DPH1: variants seen among roughly 807,000 people sequenced by gnomAD.
The protein encoded by DPH1 is 2-(3-amino-3-carboxypropyl)histidine synthase subunit 1.
DPH1 carries 59 observed loss-of-function variants against 55.3 expected under a neutral mutation model. The observed-to-expected ratio is 1.07, with a 90% confidence interval of 0.87 to 1.33. The LOEUF is 1.33. DPH1 is among the 40% of genes most tolerant of loss of function. The pLI is 0.00. For missense variants in DPH1, 628 were observed against 584.8 expected (o/e 1.07, Z -0.76); for synonymous variants, 238 against 235.5 (o/e 1.01, Z -0.10).
chr17:2,033,496 C>G lies in DPH1; in HGVS notation c.62-9C>G. 1 of 1,613,944 alleles carries G rather than the reference C, an allele frequency of 6.2e-7. No homozygotes were observed. Among genetic ancestry groups the G allele is most frequent in the Non-Finnish European group, 8.5e-7 (1 of 1,180,034 alleles). ...ACAGACACCAACTCAGGCCTTATAT[C>G]CATTCTAGGTCGGGCCCCTCGGGGC... On this transcript the variant is annotated splice_polypyrimidine_tract_variant and intron_variant, in intron 1 of 12. Coordinates refer to ENST00000263083, the MANE Select transcript of DPH1 (RefSeq NM_001383.6).
At position 2,042,100 on chromosome 17, in the gene DPH1, G is replaced by A. The variant is rs1266429963; in HGVS notation, c.*18+225G>A. 8 of 1,568,986 alleles carry A rather than the reference G, an allele frequency of 5.1e-6. No homozygotes were observed. The East Asian group carries it at 7.1e-5, about 14-fold the overall frequency. On this transcript the variant is annotated intron_variant, in intron 12 of 12. Coordinates refer to ENST00000263083, the MANE Select transcript of DPH1 (RefSeq NM_001383.6). ...CTGTGCCTGGCGGGCTTCCGGCAGA[G>A]CGAGCGGGGCTTCCGTGAGAAGACC...
At position 2,039,783 on chromosome 17, in the gene DPH1, G is replaced by A; in HGVS notation, c.709G>A (p.Glu237Lys). Residue 237 changes from glutamate to lysine, a missense_variant, in exon 7 of 13, where the codon GAG becomes AAG. Coordinates refer to ENST00000263083, the MANE Select transcript of DPH1 (RefSeq NM_001383.6). ...VYLGDGRFHL[E>K]SVMIANPNVP... ...TCTTGGAGATGGCCGCTTCCATCTG[G>A]AGTCTGTCATGATTGCCAACCCCAA... 6.2e-7 allele frequency: 1 copy of A among 1,614,090 alleles called. No homozygotes were observed. Among genetic ancestry groups the A allele is most frequent in the East Asian group, 2.2e-5 (1 of 44,878 alleles).
At position 2,042,986 on chromosome 17, in the gene DPH1, A is replaced by G; in HGVS notation, c.*400A>G. On this transcript the variant is annotated 3_prime_UTR_variant, in exon 13 of 13. Transcript: ENST00000263083. ...GTCATCCCCTCTCAGGAGAGTGTGC[A>G]ACTGGCCAGCCAATTTCCCGGAGCC... The G allele has an allele frequency of 2.5e-6, 4 of 1,614,084 alleles. No homozygotes were observed. Among genetic ancestry groups the G allele is most frequent in the Non-Finnish European group, 3.4e-6 (4 of 1,180,030 alleles).
At chr17:2,037,141 C>T in intron 6 of DPH1, 185 bp downstream of exon 6, 1 of 810,872 alleles carries the variant, frequency 1.2e-6, no homozygotes. Flanking sequence ...TTCTCCACTG[C>T]CCAGTCCATC....
In DPH1 at chr17:2,036,938, A is replaced by C. The variant is rs1131600; in HGVS notation, c.662A>C (p.Lys221Thr). Residue 221 changes from lysine to threonine, a missense_variant, in exon 6 of 13, where the codon AAA becomes ACA. Coordinates refer to ENST00000263083, the MANE Select transcript of DPH1 (RefSeq NM_001383.6). This position sits in a 1 kb window ranked among gnomAD's most constrained non-coding sequence, Gnocchi z 4.8. ...GGCTGCACATCCCCCCGACTGTCCA[A>C]AGAGGTGGAGGCCGTTGTGTAAGTT... ...ILGCTSPRLSKEVEAVVYLGD... is the reference protein window; with the variant it reads ...ILGCTSPRLSTEVEAVVYLGD... 3.1e-6 allele frequency: 5 copies of C among 1,613,334 alleles called. No homozygotes were observed. Among genetic ancestry groups the C allele is most frequent in the Admixed American group, 3.3e-5 (2 of 59,928 alleles).
intron 1 of DPH1, among the ~76,000 whole-genome samples, chr17:2,032,979 G>T (rs937291549): frequency 6.6e-6 from 1 of 152,128 alleles, no homozygotes; most frequent in South Asian, 2.1e-4. Context: ...TGATCCGCCC[G>T]CCTCAGCCTC....
rs759143976 is a variant in DPH1 at position 2,036,492 on chromosome 17, C to T, written c.401-37C>T. On this transcript the variant is annotated intron_variant, in intron 4 of 12. Coordinates refer to ENST00000263083, the MANE Select transcript of DPH1 (RefSeq NM_001383.6). This position sits in a 1 kb window ranked among gnomAD's most constrained non-coding sequence, Gnocchi z 4.8. The stretch of plus-strand genomic sequence containing the variant: ...CTGGCCGGGCCCTCTGCTGCTCCTG[C>T]CTTCCCAAACAGCCCCTGAACTCCT... The T allele has an allele frequency of 3.7e-6, 6 of 1,609,378 alleles. No homozygotes were observed. In the East Asian group the frequency reaches 1.3e-4, roughly 36 times the overall value.
At chr17:2,041,743 C>A (rs933776895) in intron 11 of DPH1, 25 bp from the exon 12 acceptor site, 13 of 1,594,536 alleles carry the variant, frequency 8.2e-6, no homozygotes, top group South Asian at 1.1e-5. Flanking sequence ...AGGAGCGAGA[C>A]CCTAACCAAA....
At chr17:2,033,689 G>C (rs763786227) in intron 2 of DPH1, 32 bp downstream of exon 2, 4 of 1,613,716 alleles carry the variant, frequency 2.5e-6, no homozygotes, top group Non-Finnish European at 3.4e-6. Flanking sequence ...TGGGGTTGGG[G>C]TGGAGAGGTT....
intron 12 of DPH1, chr17:2,042,302 A>G (rs979725024): frequency 2.9e-6 from 4 of 1,392,382 alleles, no homozygotes; most frequent in South Asian, 1.5e-5. Flanking sequence ...GACACCCTTC[A>G]GCATCCCCCA....
chr17:2,039,374 CTT>C (rs550518816), intron 6 of DPH1: 130 of 142,366 alleles, frequency 9.1e-4, no homozygotes, highest in South Asian at 3.0e-3. Flanking sequence ...CTGTGGACTT[CTT>C]TTTTTTTTTT....
chr17:2,042,847 C>A lies in DPH1; in HGVS notation c.*261C>A. On this transcript the variant is annotated 3_prime_UTR_variant, in exon 13 of 13. Transcript: ENST00000263083. ...AGGCGATCCCCGCTTCCCCTTGCCA[C>A]GGTTTATCCTCTTGGTGTCTGGTTT... 6.2e-7 allele frequency: 1 copy of A among 1,614,154 alleles called. No individual in the cohort carries two copies. The highest frequency in any genetic ancestry group is 8.5e-7 in the Non-Finnish European group (1 of 1,180,040).
intron 12 of DPH1, 35 bp downstream of exon 12, chr17:2,041,910 T>A: frequency 6.5e-7 from 1 of 1,543,460 alleles, no homozygotes; most frequent in Non-Finnish European, 8.7e-7. Context: ...CCCCGCCTTT[T>A]GCCGTTGTCA....
intron 12 of DPH1, chr17:2,042,287 C>A (rs568094999): frequency 7.0e-4 from 974 of 1,397,274 alleles, no homozygotes; most frequent in Non-Finnish European, 8.3e-4. Flanking sequence ...TGTTTCGTCC[C>A]CCTCGACACC....
In DPH1 at chr17:2,040,499, C is replaced by T. The variant is rs1293402021; in HGVS notation, c.907-6C>T. On this transcript the variant is annotated splice_region_variant and splice_polypyrimidine_tract_variant and intron_variant, in intron 8 of 12. Transcript: ENST00000263083. ...TGACCCCCACCCTGCCTCCCTCTCC[C>T]AACAGCACCTGGAATCTCGACTCCG... 1 of 1,614,060 alleles carries T rather than the reference C, an allele frequency of 6.2e-7. No homozygotes were observed. The highest frequency in any genetic ancestry group is 8.5e-7 in the Non-Finnish European group (1 of 1,180,046).
chr17:2,039,518 C>A, intron 6 of DPH1: 1 of 455,750 alleles, frequency 2.2e-6, no homozygotes, highest in East Asian at 4.2e-5. Context: ...GCTGGGACTA[C>A]AGGCGCCCGT....
rs767386080 is a variant in DPH1, at chr17:2,041,833, G to A, written c.1293G>A (p.Glu431=). 2.5e-6 allele frequency: 4 copies of A among 1,603,688 alleles called. No homozygotes were observed. The highest frequency in any genetic ancestry group is 1.1e-5 in the South Asian group (1 of 89,676). The change falls in exon 12 of 13, where the codon GAG becomes GAA. Residue 431 remains glutamate (E), a synonymous_variant. Coordinates refer to ENST00000263083, the MANE Select transcript of DPH1 (RefSeq NM_001383.6). ...GCGAGGACTGCAGCTGCAGGGACGA[G>A]AAGGTGGCGCCGCTGGCTCCTTGAC... ...VACEDCSCRD[E]KVAPLAP
At chr17:2,030,455 T>C (rs2067315977) in intron 1 of DPH1, among the ~76,000 whole-genome samples, 1 of 152,070 alleles carries the variant, frequency 6.6e-6, no homozygotes, top group Non-Finnish European at 1.5e-5. Flanking sequence ...CCCTTAATCC[T>C]CCAATCGGAA....
Position 2,041,171 on chromosome 17 carries a change from C to T in DPH1, c.1076C>T (p.Thr359Ile). 5 of 1,605,008 alleles carry T rather than the reference C, an allele frequency of 3.1e-6. No homozygotes were observed. Among genetic ancestry groups the T allele is most frequent in the Non-Finnish European group, 4.3e-6 (5 of 1,175,570 alleles). Reference sequence around the variant, plus strand: ...ACAGCCTTCCCCAAGCCGCTGCTGACACCCTATGAGGTAACACCAAGCTCT... The same window carrying T: ...ACAGCCTTCCCCAAGCCGCTGCTGATACCCTATGAGGTAACACCAAGCTCT... ...WGTAFPKPLLTPYEAAVALRD... is the reference protein window; with the variant it reads ...WGTAFPKPLLIPYEAAVALRD... Residue 359 changes from threonine (T) to isoleucine (I), a missense_variant, in exon 10 of 13, where the codon ACA becomes ATA. By Grantham distance (89) the Thr-to-Ile change is moderately conservative. Transcript: ENST00000263083.
Sources: allele counts gnomAD v4.1 joint callset (sites outside exome capture counted in the v4.1 genomes callset), GRCh38; gene constraint gnomAD v4.1.1; non-coding constraint Gnocchi (gnomAD v3.1); transcripts MANE v1.5; gene names NCBI Gene and HGNC (gene_info 2026-07-23, HGNC 2026-07-21).